TG: variants seen among roughly 807,000 people sequenced by gnomAD.
TG encodes the protein thyroglobulin.
TG carries 270 observed loss-of-function variants against 324.7 expected under a neutral mutation model. That is an observed-to-expected ratio of 0.83 (90% CI 0.75 to 0.92). TG has a LOEUF of 0.92. Among genes scored for constraint, TG ranks in the 40% least tolerant of loss-of-function variants. The pLI is 0.00. For synonymous variants in TG, 1,401 were observed against 1,327.0 expected (o/e 1.06, Z -1.21); for missense variants, 3,591 against 3,456.4 (o/e 1.04, Z -0.98).
At chr8:132,919,120 C>T (rs766036298) in intron 20 of TG, among the ~76,000 whole-genome samples, 3 of 152,112 alleles carry the variant, frequency 2.0e-5, no homozygotes, top group Non-Finnish European at 2.9e-5. Context: ...TATTTTACCC[C>T]TATTTGAAAT....
At chr8:132,992,496 A>G (rs1832462986) in intron 35 of TG, among the ~76,000 whole-genome samples, 1 of 152,202 alleles carries the variant, frequency 6.6e-6, no homozygotes, top group African/African-American at 2.4e-5. Flanking sequence ...GCACCCACCT[A>G]ATAGGAAGAA....
In TG at chr8:133,033,210, G is replaced by A. The variant is rs141383393; in HGVS notation, c.7239+3187G>A. Among the ~76,000 whole-genome samples, 10 of 152,316 alleles carry A rather than the reference G, an allele frequency of 6.6e-5. No homozygotes were observed. In the East Asian group the frequency reaches 1.9e-3, roughly 29 times the overall value. On this transcript the variant is annotated intron_variant, in intron 41 of 47. Coordinates refer to ENST00000220616, the MANE Select transcript of TG (RefSeq NM_003235.5). The stretch of plus-strand genomic sequence containing the variant: ...ATTGTATTTCCCAAGGTCTTGAGAT[G>A]TTATCAGGACTTATGGTTTGCAAAC...
At chr8:133,041,070 A>C (rs575047774) in intron 41 of TG, among the ~76,000 whole-genome samples, 1 of 152,192 alleles carries the variant, frequency 6.6e-6, no homozygotes, top group African/African-American at 2.4e-5. Context: ...GTACTCAGCC[A>C]TCTTAGAGAT....
At chr8:133,000,681 A>G (rs1352348666) in intron 35 of TG, among the ~76,000 whole-genome samples, 2 of 152,180 alleles carry the variant, frequency 1.3e-5, no homozygotes, top group African/African-American at 4.8e-5. Flanking sequence ...CGTACAGGAG[A>G]TGCTTCAACC....
chr8:133,077,843 G>A (rs1219038239), intron 41 of TG, among the ~76,000 whole-genome samples: 1 of 151,774 alleles, frequency 6.6e-6, no homozygotes, highest in Non-Finnish European at 1.5e-5. Flanking sequence ...CTCTGGACCT[G>A]ACCCCCTAGA....
At chr8:132,919,305 T>C (rs1421059907) in intron 20 of TG, 71 bp from the exon 21 acceptor site, 2 of 1,514,472 alleles carry the variant, frequency 1.3e-6, no homozygotes, top group Admixed American at 1.8e-5. Flanking sequence ...TTCTTTACCC[T>C]GTGTGTTCTG....
intron 27 of TG, among the ~76,000 whole-genome samples, chr8:132,957,246 T>A (rs1827019401): frequency 6.6e-6 from 1 of 152,164 alleles, no homozygotes; most frequent in African/African-American, 2.4e-5. Flanking sequence ...GTGCTCTACA[T>A]ACATGTGCTG....
chr8:132,939,721 C>T (rs1824158060), intron 25 of TG, among the ~76,000 whole-genome samples: 1 of 151,694 alleles, frequency 6.6e-6, no homozygotes, highest in South Asian at 2.1e-4. Flanking sequence ...CTGTTGCCCA[C>T]ACTGGAGTGC....
chr8:133,045,090 G>A (rs1199626132), intron 41 of TG: 1 of 1,614,194 alleles, frequency 6.2e-7, no homozygotes, highest in African/African-American at 1.3e-5. Flanking sequence ...TTACCTGCCT[G>A]TGTCTCACCG....
At chr8:133,095,260 T>C in intron 42 of TG, 52 bp downstream of exon 42, 1 of 1,613,522 alleles carries the variant, frequency 6.2e-7, no homozygotes, top group African/African-American at 1.3e-5. Context: ...CTTTTACAAA[T>C]AGAAAATGAA....
At chr8:133,130,826 C>T (rs191051637) in intron 45 of TG, among the ~76,000 whole-genome samples, 4 of 152,256 alleles carry the variant, frequency 2.6e-5, no homozygotes, top group Admixed American at 6.5e-5. Flanking sequence ...TTTCCAGAAG[C>T]GCCTCCCGAG....
At chr8:133,089,861 TA>T (rs1303844675) in intron 41 of TG, 3 of 152,324 alleles carry the variant, frequency 2.0e-5, no homozygotes, top group African/African-American at 7.2e-5. Flanking sequence ...TCCTCCCATT[TA>T]TTTCCTCCCA....
At chr8:132,962,818 A>T (rs924804068) in intron 28 of TG, among the ~76,000 whole-genome samples, 176 bp from the exon 29 acceptor site, 1 of 152,192 alleles carries the variant, frequency 6.6e-6, no homozygotes, top group African/African-American at 2.4e-5. Flanking sequence ...GAGAGGTTGG[A>T]TGATGTTCCA....
chr8:133,067,869 A>G (rs1354655960), intron 41 of TG, among the ~76,000 whole-genome samples: 2 of 28,288 alleles, frequency 7.1e-5, no homozygotes, highest in East Asian at 2.1e-3. Flanking sequence ...AAAGAAAGAA[A>G]GGAAGGAAGG....
intron 40 of TG, among the ~76,000 whole-genome samples, chr8:133,023,521 GGA>G (rs1376176673): frequency 6.6e-6 from 1 of 152,194 alleles, no homozygotes; most frequent in African/African-American, 2.4e-5. Context: ...GAAGCTCTTT[GGA>G]GAGTGTTTAA....
chr8:133,123,185 C>T (rs1851272090), intron 45 of TG, among the ~76,000 whole-genome samples: 2 of 152,032 alleles, frequency 1.3e-5, no homozygotes, highest in Admixed American at 1.3e-4. Flanking sequence ...GAAGTTATTA[C>T]TAACAGTACC....
chr8:133,067,593 T>C (rs146256087), intron 41 of TG, among the ~76,000 whole-genome samples: 104 of 152,124 alleles, frequency 6.8e-4, no homozygotes, highest in African/African-American at 2.4e-3. Flanking sequence ...CTGGCCAACG[T>C]TGTGAAACCC....
chr8:133,113,544 T>C lies in TG; in HGVS notation c.7695T>C (p.Ser2565=). The C allele has an allele frequency of 6.2e-7, 1 of 1,614,150 alleles. No homozygotes were observed. Among genetic ancestry groups the C allele is most frequent in the East Asian group, 2.2e-5 (1 of 44,878 alleles). ...AGGCTGCTGCTACATGGTATTACTCTCTGGAGCACTCCACGGATGACTATG... is the reference window on the plus strand; with the variant it reads ...AGGCTGCTGCTACATGGTATTACTCCCTGGAGCACTCCACGGATGACTATG... ...RVEAAATWYY[S]LEHSTDDYAS... Residue 2565 remains serine (S), a synonymous_variant, in exon 44 of 48, where the codon TCT becomes TCC. Coordinates refer to ENST00000220616, the MANE Select transcript of TG (RefSeq NM_003235.5).
At chr8:133,103,550 G>A (rs2958700) in intron 43 of TG, among the ~76,000 whole-genome samples, 39,781 of 152,098 alleles carry the variant, frequency 0.26, 5,363 homozygotes, top group South Asian at 0.3. Context: ...ATTGTTATAA[G>A]GATGAATGTA....
Sources: allele counts gnomAD v4.1 joint callset (sites outside exome capture counted in the v4.1 genomes callset), GRCh38; gene constraint gnomAD v4.1.1; transcripts MANE v1.5; gene names NCBI Gene and HGNC (gene_info 2026-07-23, HGNC 2026-07-21).